RBFOX1: variants seen among roughly 807,000 people sequenced by gnomAD.
RBFOX1 encodes the protein RNA binding protein fox-1 homolog 1.
RBFOX1 carries 8 observed loss-of-function variants against 57.7 expected under a neutral mutation model. That is an observed-to-expected ratio of 0.14 (90% CI 0.08 to 0.25). RBFOX1 has a LOEUF of 0.25. Ranked by LOEUF, RBFOX1 falls within the 10% of genes least tolerant of loss-of-function variation. The pLI is 1.00. For missense variants in RBFOX1, 611 were observed against 548.5 expected, an observed-to-expected ratio of 1.11 and a Z score of -1.14; for synonymous variants, 326 against 222.4, an observed-to-expected ratio of 1.47 and a Z score of -4.15.
chr16:6,632,832 C>G (rs111749286), intron 2 of RBFOX1, among the ~76,000 whole-genome samples: 1,532 of 152,290 alleles, frequency 0.01, 21 homozygotes, highest in African/African-American at 0.035. Flanking sequence ...ATTACTGGAG[C>G]TGCTCTCTTT....
chr16:7,384,472 G>T (rs897885869), intron 4 of RBFOX1, among the ~76,000 whole-genome samples: 2 of 152,182 alleles, frequency 1.3e-5, no homozygotes, highest in Non-Finnish European at 2.9e-5. Context: ...GCTTATTGCA[G>T]TGGGTTTTCA....
chr16:5,849,725 C>G (rs947774013), intron 3 of RBFOX1, among the ~76,000 whole-genome samples: 4 of 152,152 alleles, frequency 2.6e-5, no homozygotes, highest in South Asian at 2.1e-4. Context: ...TTATTAGCAT[C>G]TCGCCGATGC....
chr16:7,508,775 C>T (rs1021006185), intron 4 of RBFOX1, among the ~76,000 whole-genome samples: 2 of 152,104 alleles, frequency 1.3e-5, no homozygotes, highest in Non-Finnish European at 2.9e-5. Flanking sequence ...CGGTCTCTTC[C>T]ACCCTCACCT....
intron 2 of RBFOX1, among the ~76,000 whole-genome samples, chr16:6,390,549 A>G (rs1467763963): frequency 3.4e-5 from 5 of 148,224 alleles, no homozygotes; most frequent in Admixed American, 2.7e-4. Flanking sequence ...TTAGGGAGGG[A>G]GTGAGAAAAA....
chr16:6,824,789 A>C (rs1603629260), intron 3 of RBFOX1, among the ~76,000 whole-genome samples: 1 of 151,964 alleles, frequency 6.6e-6, no homozygotes, highest in East Asian at 1.9e-4. Flanking sequence ...AAAGGAATTA[A>C]ATATATTTTT....
At chr16:6,068,339 T>A (rs1324195029) in intron 1 of RBFOX1, among the ~76,000 whole-genome samples, 1 of 152,202 alleles carries the variant, frequency 6.6e-6, no homozygotes, top group Non-Finnish European at 1.5e-5. Flanking sequence ...GTCTCAGTGC[T>A]GACTGAGTAG....
chr16:7,026,548 C>T (rs1001252364), intron 3 of RBFOX1, among the ~76,000 whole-genome samples: 1 of 152,078 alleles, frequency 6.6e-6, no homozygotes, highest in South Asian at 2.1e-4. Context: ...ATCACAGCTG[C>T]TTCATACGGC....
intron 2 of RBFOX1, among the ~76,000 whole-genome samples, chr16:6,444,884 G>A (rs895270689): frequency 3.9e-5 from 6 of 152,130 alleles, no homozygotes; most frequent in African/African-American, 1.2e-4. Flanking sequence ...CAGGTTTGAA[G>A]CAGAAAAATG....
chr16:6,114,555 T>C (rs2096479354), intron 1 of RBFOX1, among the ~76,000 whole-genome samples: 1 of 132,362 alleles, frequency 7.6e-6, no homozygotes, highest in South Asian at 2.3e-4. Context: ...ATCAATGGCA[T>C]AAAAGTTTTC....
In RBFOX1 at chr16:7,007,080, C is replaced by T. The variant is rs187496972; in HGVS notation, c.-15-44977C>T. On this transcript the variant is annotated intron_variant, in intron 3 of 15. Transcript: ENST00000550418. Reference sequence around the variant, plus strand: ...TTTCTACACTGTGAGTTTTTCTCAACGCTGATGTCAATGGTTGGCTGTATG... The same window carrying T: ...TTTCTACACTGTGAGTTTTTCTCAATGCTGATGTCAATGGTTGGCTGTATG... Among the ~76,000 whole-genome samples, 176 of 152,246 alleles carry T rather than the reference C, an allele frequency of 1.2e-3. 1 individual carries two copies. Among genetic ancestry groups the T allele is most frequent in the Non-Finnish European group, 4.3e-4 (29 of 68,010 alleles).
chr16:5,245,934 A>C (rs147341346), intron 1 of RBFOX1, among the ~76,000 whole-genome samples: 3,425 of 152,134 alleles, frequency 0.023, 86 homozygotes, highest in Admixed American at 0.073. Flanking sequence ...TTAATGTTTT[A>C]GTTGAATTAA....
At chr16:6,923,367 C>T (rs147136607) in intron 3 of RBFOX1, among the ~76,000 whole-genome samples, 8 of 152,218 alleles carry the variant, frequency 5.3e-5, no homozygotes, top group Admixed American at 3.3e-4. Flanking sequence ...AACCCCATCT[C>T]TACTAACAAT....
intron 2 of RBFOX1, among the ~76,000 whole-genome samples, chr16:6,562,687 A>G (rs1010425660): frequency 6.6e-6 from 1 of 152,144 alleles, no homozygotes; most frequent in Non-Finnish European, 1.5e-5. Flanking sequence ...CTTACTTGGA[A>G]CCAGGTGAAA....
intron 2 of RBFOX1, among the ~76,000 whole-genome samples, chr16:5,560,927 G>C (rs762603141): frequency 4.6e-5 from 7 of 152,208 alleles, no homozygotes; most frequent in Non-Finnish European, 1.0e-4. Flanking sequence ...AGGCGTTTTG[G>C]CTAGCAGGTA....
chr16:6,061,884 C>A (rs1288691771), intron 1 of RBFOX1, among the ~76,000 whole-genome samples: 1 of 152,072 alleles, frequency 6.6e-6, no homozygotes, highest in Non-Finnish European at 1.5e-5. Flanking sequence ...CATCAGATCC[C>A]ACAGATTAAG....
At chr16:7,303,047 T>C (rs1164887527) in intron 4 of RBFOX1, among the ~76,000 whole-genome samples, 1 of 152,198 alleles carries the variant, frequency 6.6e-6, no homozygotes, top group Non-Finnish European at 1.5e-5. Flanking sequence ...CATTTATAAT[T>C]TGAGAGGAGC....
chr16:7,098,484 T>C lies in RBFOX1; in HGVS notation c.27+46386T>C, dbSNP rs184122699. Among the ~76,000 whole-genome samples, 21 of 152,282 alleles carry C rather than the reference T, an allele frequency of 1.4e-4. No individual in the cohort carries two copies. In the East Asian group the frequency reaches 3.7e-3, roughly 27 times the overall value. ...TGTGCCAGGTAGGCAAAAACTCTTA[T>C]TCTATTCATTCATTTGTAAAATTAA... On this transcript the variant is annotated intron_variant, in intron 4 of 15. Transcript: ENST00000550418.
At chr16:7,066,510 A>T (rs909425518) in intron 4 of RBFOX1, among the ~76,000 whole-genome samples, 1 of 152,202 alleles carries the variant, frequency 6.6e-6, no homozygotes, top group Admixed American at 6.5e-5. Flanking sequence ...AGAAATTTAA[A>T]TAGCTACCAA....
chr16:6,800,435 G>T (rs572323961), intron 3 of RBFOX1, among the ~76,000 whole-genome samples: 66 of 152,210 alleles, frequency 4.3e-4, no homozygotes, highest in African/African-American at 1.5e-3. Flanking sequence ...ATTGCCTGGG[G>T]ATCTTGCTAA....
Sources: allele counts gnomAD v4.1 joint callset (sites outside exome capture counted in the v4.1 genomes callset), GRCh38; gene constraint gnomAD v4.1.1; transcripts MANE v1.5; gene names NCBI Gene and HGNC (gene_info 2026-07-23, HGNC 2026-07-21).